The following GRID1 variants were observed in gnomAD, a reference collection of about 807,000 sequenced individuals.
GRID1 encodes glutamate ionotropic receptor delta type subunit 1.
Under a neutral mutation model 98.0 loss-of-function variants are expected in GRID1, and 28 were observed. The ratio of observed to expected loss-of-function variants is 0.29; its 90% CI spans 0.21 to 0.39. GRID1 has a LOEUF of 0.39. Ranked by LOEUF, GRID1 falls within the 10% of genes least tolerant of loss-of-function variation. The pLI is 1.00. For synonymous variants in GRID1, 553 were observed against 538.5 expected (o/e 1.03, Z -0.37); for missense variants, 1,111 against 1,340.5 (o/e 0.83, Z 2.67).
chr10:86,059,373 G>A lies in GRID1; in HGVS notation c.726+79446C>T, dbSNP rs76870095. Among the ~76,000 whole-genome samples the A allele has an allele frequency of 2.3e-4, 35 of 152,342 alleles. No homozygotes were observed. In the East Asian group the frequency reaches 6.8e-3, roughly 29 times the overall value. ...AAGAGAAAAGAACTGTCTTCAGTTC[G>A]CACCTACTATGTGCCAGGCATTCTG... On this transcript the variant is annotated intron_variant, in intron 4 of 15. Transcript: ENST00000327946.
At chr10:85,835,762 A>G (rs1457098867) in intron 8 of GRID1, among the ~76,000 whole-genome samples, 10 of 152,238 alleles carry the variant, frequency 6.6e-5, no homozygotes, top group South Asian at 6.2e-4. Context: ...GATTATTCAC[A>G]AAGATAGATC....
intron 2 of GRID1, among the ~76,000 whole-genome samples, chr10:86,320,611 G>A (rs1847956738): frequency 6.6e-6 from 1 of 152,102 alleles, no homozygotes; most frequent in Non-Finnish European, 1.5e-5. Flanking sequence ...ATGGATGGTG[G>A]TGATGGCTGC....
intron 2 of GRID1, among the ~76,000 whole-genome samples, chr10:86,214,044 A>G (rs1362775852): frequency 6.6e-6 from 1 of 151,612 alleles, no homozygotes; most frequent in East Asian, 1.9e-4. Context: ...GGACCCTTAC[A>G]CCTCCAACCT....
At chr10:86,293,127 A>G (rs1564730906) in intron 2 of GRID1, among the ~76,000 whole-genome samples, 1 of 152,130 alleles carries the variant, frequency 6.6e-6, no homozygotes, top group Non-Finnish European at 1.5e-5. Flanking sequence ...CCCATGTGCC[A>G]TTGCAGGTTA....
chr10:86,009,489 T>A (rs1440994904), intron 4 of GRID1, among the ~76,000 whole-genome samples: 3 of 152,128 alleles, frequency 2.0e-5, no homozygotes, highest in Non-Finnish European at 4.4e-5. Flanking sequence ...TTCTAATCAA[T>A]CCATCTGCTG....
At chr10:85,911,913 A>G (rs989458604) in intron 5 of GRID1, among the ~76,000 whole-genome samples, 7 of 152,218 alleles carry the variant, frequency 4.6e-5, no homozygotes, top group Non-Finnish European at 1.0e-4. Flanking sequence ...TCCAGAGTCA[A>G]GGCTGACTGG....
intron 4 of GRID1, among the ~76,000 whole-genome samples, chr10:86,060,040 T>C (rs886292457): frequency 3.9e-5 from 6 of 152,182 alleles, no homozygotes; most frequent in African/African-American, 1.4e-4. Flanking sequence ...AAAATTGTGT[T>C]CAATGCTACG....
intron 11 of GRID1, 72 bp from the exon 12 acceptor site, chr10:85,723,213 C>A: frequency 6.9e-7 from 1 of 1,458,132 alleles, no homozygotes; most frequent in Non-Finnish European, 9.2e-7. Context: ...AGGTGTTCTG[C>A]CCTGCAGCCA....
intron 5 of GRID1, among the ~76,000 whole-genome samples, chr10:85,888,676 ATCCATCTTC>A (rs1398882892): frequency 1.3e-5 from 2 of 152,040 alleles, no homozygotes; most frequent in Non-Finnish European, 2.9e-5. Context: ...TGTGAGATTT[ATCCATCTTC>A]TCCTCAGTTC....
chr10:86,320,359 C>T (rs1847952872), intron 2 of GRID1, among the ~76,000 whole-genome samples: 1 of 152,198 alleles, frequency 6.6e-6, no homozygotes. Flanking sequence ...GTAGGGGTGA[C>T]AGAATGGGCA....
At chr10:86,138,163 C>A (rs11201895) in intron 4 of GRID1, among the ~76,000 whole-genome samples, 4 of 152,274 alleles carry the variant, frequency 2.6e-5, no homozygotes, top group African/African-American at 9.6e-5. Context: ...CCTGGGCCAG[C>A]GCCAATCAGC....
chr10:85,864,553 T>C (rs1843196752), intron 6 of GRID1, among the ~76,000 whole-genome samples: 2 of 152,246 alleles, frequency 1.3e-5, no homozygotes, highest in South Asian at 4.2e-4. Context: ...CCATATGGGT[T>C]TTTAGGGCTA....
intron 12 of GRID1, among the ~76,000 whole-genome samples, chr10:85,652,306 T>C (rs1843282413): frequency 6.6e-6 from 1 of 152,226 alleles, no homozygotes; most frequent in South Asian, 2.1e-4. Flanking sequence ...TAATACAGAA[T>C]TTATAAATAC....
intron 12 of GRID1, among the ~76,000 whole-genome samples, chr10:85,650,938 T>C (rs74148728): frequency 0.054 from 8,207 of 152,226 alleles, 407 homozygotes; most frequent in African/African-American, 0.13. Flanking sequence ...CATAGACCAG[T>C]AGCTCTCAAA....
intron 3 of GRID1, among the ~76,000 whole-genome samples, chr10:86,193,678 G>A (rs1277266949): frequency 6.6e-6 from 1 of 151,978 alleles, no homozygotes; most frequent in Admixed American, 6.6e-5. Context: ...TCCCATTCCT[G>A]GGACCCCTCA....
Position 85,865,965 on chromosome 10 carries a change from A to ATATG in GRID1, c.951+3044_951+3045insCATA, listed in dbSNP as rs1564613340. On this transcript the variant is annotated intron_variant, in intron 6 of 15. Coordinates refer to ENST00000327946, the MANE Select transcript of GRID1 (RefSeq NM_017551.3). The stretch of plus-strand genomic sequence containing the variant: ...TATACACATATATATGGAGAGAGAG[A>ATATG]GAGAGAGAGAGAGAGAGAGAGAGAG... 4.4e-4 allele frequency among the ~76,000 whole-genome samples: 37 copies of ATATG among 83,322 alleles called. 1 individual carries two copies. The highest frequency in any genetic ancestry group is 2.1e-3 in the African/African-American group (35 of 16,526). 54.7% of individuals were successfully genotyped at this position (83,322 alleles called of 152,430 possible).
At chr10:85,901,999 C>T (rs1175853132) in intron 5 of GRID1, among the ~76,000 whole-genome samples, 1 of 152,112 alleles carries the variant, frequency 6.6e-6, no homozygotes, top group Middle Eastern at 3.2e-3. Flanking sequence ...TCTGGTATTC[C>T]TCATGGGACA....
chr10:86,226,130 C>T (rs903272695), intron 2 of GRID1, among the ~76,000 whole-genome samples: 28 of 152,004 alleles, frequency 1.8e-4, no homozygotes, highest in African/African-American at 6.8e-4. Flanking sequence ...AGAAGGACAT[C>T]CCGGAAGACC....
chr10:86,141,544 G>A (rs893784056), intron 3 of GRID1, among the ~76,000 whole-genome samples: 3 of 152,214 alleles, frequency 2.0e-5, no homozygotes, highest in African/African-American at 7.2e-5. Context: ...AACCAGCAGT[G>A]GGCAGCTGTG....
Sources: gnomAD v4.1 joint callset for allele counts (sites outside exome capture counted in the v4.1 genomes callset) on GRCh38, gnomAD v4.1.1 for gene constraint, MANE v1.5 for transcripts, NCBI Gene and HGNC (gene_info 2026-07-23, HGNC 2026-07-21) for gene names.